The following ROBO1 variants were observed in gnomAD, a reference collection of about 807,000 sequenced individuals.
ROBO1 encodes the protein roundabout homolog 1.
In ROBO1, 149 loss-of-function variants were observed where a neutral mutation model predicts 195.9. That is an observed-to-expected ratio of 0.76 (90% CI 0.67 to 0.87). The LOEUF (loss-of-function observed/expected upper bound fraction) is 0.87. ROBO1 is among the 40% of genes least tolerant of loss of function. The probability of loss-of-function intolerance (pLI) is 0.00; values close to 1 mark genes in which losing one functional copy is unlikely to be tolerated. For missense variants in ROBO1, 1,933 were observed against 2,068.3 expected, an observed-to-expected ratio of 0.93 and a Z score of 1.27; for synonymous variants, 816 against 733.2, an observed-to-expected ratio of 1.11 and a Z score of -1.82.
rs34364869 is a variant in ROBO1, at chr3:78,920,624, G to GTTTTTTTTTTTTTTTTTTTTTTTTTTTT, written c.499+17949_499+17976dup. ...CCAGCCTTTCTTTTTCTTTCTTTCA[G>GTTTTTTTTTTTTTTTTTTTTTTTTTTTT]TTTTTTTTTTTTTTTTTTTTTTTTT... On this transcript the variant is annotated intron_variant, in intron 4 of 30. Coordinates refer to ENST00000464233, the MANE Select transcript of ROBO1 (RefSeq NM_002941.4). 3.3e-5 allele frequency among the ~76,000 whole-genome samples: 2 copies of GTTTTTTTTTTTTTTTTTTTTTTTTTTTT among 60,962 alleles called. 1 individual carries two copies. The highest frequency in any genetic ancestry group is 1.5e-4 in the African/African-American group (2 of 13,462). The allele number at this position is 60,962 out of a possible 152,430, so 40.0% of individuals were successfully genotyped here.
rs142362532 is a variant in ROBO1 at position 79,038,298 on chromosome 3, C to T, written c.172+87158G>A. Reference sequence around the variant, plus strand: ...AAGGAGCCTTTGAACTTATGAGTGGCTTCTTAGACAGTAGAACCTCGTGGT... The same window carrying T: ...AAGGAGCCTTTGAACTTATGAGTGGTTTCTTAGACAGTAGAACCTCGTGGT... On this transcript the variant is annotated intron_variant, in intron 3 of 30. Transcript: ENST00000464233. Among the ~76,000 whole-genome samples the T allele has an allele frequency of 3.9e-3, 591 of 152,274 alleles. 5 individuals are homozygous for T. The highest frequency in any genetic ancestry group is 0.014 in the African/African-American group (567 of 41,560).
intron 2 of ROBO1, among the ~76,000 whole-genome samples, chr3:79,321,316 C>A (rs1160379595): frequency 6.6e-6 from 1 of 151,950 alleles, no homozygotes; most frequent in African/African-American, 2.4e-5. Context: ...CTCTAAAATG[C>A]CTAAGTGATT....
intron 3 of ROBO1, among the ~76,000 whole-genome samples, chr3:79,009,433 T>C (rs561903300): frequency 1.3e-5 from 2 of 152,132 alleles, no homozygotes; most frequent in South Asian, 2.1e-4. Context: ...AATATAAATA[T>C]ACAATCCCAT....
intron 8 of ROBO1, among the ~76,000 whole-genome samples, chr3:78,691,449 A>T (rs1281680749): frequency 6.6e-6 from 1 of 152,200 alleles, no homozygotes; most frequent in Non-Finnish European, 1.5e-5. Context: ...ATTTAAAAAA[A>T]TTCATTTTAA....
intron 1 of ROBO1, among the ~76,000 whole-genome samples, chr3:79,751,701 T>G (rs974900781): frequency 1.1e-4 from 17 of 152,326 alleles, no homozygotes; most frequent in Non-Finnish European, 1.8e-4. Context: ...GCAATTTTTA[T>G]CTACAATAAT....
intron 3 of ROBO1, among the ~76,000 whole-genome samples, chr3:78,946,628 A>C (rs552321427): frequency 6.6e-5 from 10 of 152,312 alleles, no homozygotes; most frequent in Admixed American, 5.2e-4. Flanking sequence ...TGAGCAAAAT[A>C]ACCAGCTAAC....
At chr3:78,795,512 T>C (rs1178254332) in intron 4 of ROBO1, among the ~76,000 whole-genome samples, 3 of 152,218 alleles carry the variant, frequency 2.0e-5, no homozygotes, top group African/African-American at 7.2e-5. Flanking sequence ...AAGAACAGCA[T>C]CCTATGGGAA....
intron 3 of ROBO1, among the ~76,000 whole-genome samples, chr3:79,008,501 G>T (rs1193895716): frequency 6.6e-6 from 1 of 151,728 alleles, no homozygotes; most frequent in Admixed American, 6.6e-5. Flanking sequence ...TTATTATGCA[G>T]CACGTACGTG....
intron 2 of ROBO1, among the ~76,000 whole-genome samples, chr3:79,148,116 ATTC>A (rs777211851): frequency 6.4e-4 from 97 of 151,914 alleles, no homozygotes; most frequent in Non-Finnish European, 1.1e-3. Context: ...CGCAATAATT[ATTC>A]TTTGATTCCT....
chr3:79,249,981 G>T (rs1454298714), intron 2 of ROBO1, among the ~76,000 whole-genome samples: 1 of 152,176 alleles, frequency 6.6e-6, no homozygotes. Flanking sequence ...AATAAGTGAA[G>T]ACCAGAGAAG....
intron 3 of ROBO1, among the ~76,000 whole-genome samples, chr3:78,968,567 T>C (rs531065219): frequency 1.0e-4 from 15 of 149,910 alleles, no homozygotes; most frequent in Non-Finnish European, 1.8e-4. Context: ...TATTCTTAAA[T>C]AAAATAGATA....
intron 4 of ROBO1, among the ~76,000 whole-genome samples, chr3:78,758,789 T>A (rs1024829703): frequency 4.3e-4 from 6 of 14,030 alleles, no homozygotes; most frequent in African/African-American, 1.1e-3. Flanking sequence ...CACCTGAACC[T>A]CTCACTCTCA....
At chr3:79,191,413 T>C (rs1257390603) in intron 2 of ROBO1, among the ~76,000 whole-genome samples, 1 of 151,452 alleles carries the variant, frequency 6.6e-6, no homozygotes, top group African/African-American at 2.4e-5. Flanking sequence ...GGGGGAAATG[T>C]GCTCACCCAC....
chr3:78,811,148 C>G (rs2084725126), intron 4 of ROBO1, among the ~76,000 whole-genome samples: 1 of 152,118 alleles, frequency 6.6e-6, no homozygotes, highest in Non-Finnish European at 1.5e-5. Context: ...ACCCAGAAAT[C>G]CTTAATGGGA....
At chr3:78,794,320 T>C (rs1173294555) in intron 4 of ROBO1, among the ~76,000 whole-genome samples, 1 of 152,218 alleles carries the variant, frequency 6.6e-6, no homozygotes, top group African/African-American at 2.4e-5. Flanking sequence ...TTAAAATATG[T>C]AAAATAGAAC....
chr3:78,934,407 T>C (rs2039688717), intron 4 of ROBO1, among the ~76,000 whole-genome samples: 1 of 151,892 alleles, frequency 6.6e-6, no homozygotes, highest in South Asian at 2.1e-4. Context: ...TATAAAAATG[T>C]TTTAGAATCT....
intron 2 of ROBO1, among the ~76,000 whole-genome samples, chr3:79,451,329 C>T (rs1403995068): frequency 2.0e-5 from 3 of 152,070 alleles, no homozygotes; most frequent in East Asian, 3.9e-4. Flanking sequence ...TAAAGAGATG[C>T]TTAAGGTCTC....
chr3:79,714,720 A>T (rs909431969), intron 1 of ROBO1, among the ~76,000 whole-genome samples: 3 of 151,862 alleles, frequency 2.0e-5, no homozygotes, highest in Non-Finnish European at 4.4e-5. Context: ...GAAGCTGGAG[A>T]CCATCATTCT....
intron 2 of ROBO1, among the ~76,000 whole-genome samples, chr3:79,433,638 A>C (rs2038768621): frequency 6.6e-6 from 1 of 152,264 alleles, no homozygotes; most frequent in South Asian, 2.1e-4. Flanking sequence ...AAGGTAATTT[A>C]TAGATTCAAT....
Sources: gnomAD v4.1 joint callset for allele counts (sites outside exome capture counted in the v4.1 genomes callset) on GRCh38, gnomAD v4.1.1 for gene constraint, MANE v1.5 for transcripts, NCBI Gene and HGNC (gene_info 2026-07-23, HGNC 2026-07-21) for gene names.